Variants in ACSS2 observed in about 807,000 individuals in gnomAD.
ACSS2 encodes acyl-CoA synthetase short chain family member 2, also known as acetyl-coenzyme A synthetase, cytoplasmic.
A neutral mutation model predicts 90.6 loss-of-function variants in ACSS2; 58 were observed. The ratio of observed to expected loss-of-function variants is 0.64; its 90% confidence interval spans 0.52 to 0.80. ACSS2 has a LOEUF of 0.80. Among genes scored for constraint, ACSS2 ranks in the 30% least tolerant of loss-of-function variants. The pLI is 0.00. For synonymous variants in ACSS2, 300 were observed against 330.9 expected (o/e 0.91, Z 1.01); for missense variants, 759 against 912.0 (o/e 0.83, Z 2.16).
chr20:34,913,656 G>T, intron 4 of ACSS2, 97 bp from the exon 5 acceptor site: 1 of 1,326,692 alleles, frequency 7.5e-7, no homozygotes, highest in Non-Finnish European at 1.1e-6. Context: ...TAGGACCCTG[G>T]CTTAGAGATC....
chr20:34,901,201 G>A (rs1263988125), intron 2 of ACSS2, among the ~76,000 whole-genome samples: 3 of 152,120 alleles, frequency 2.0e-5, no homozygotes, highest in Admixed American at 6.6e-5. Flanking sequence ...TTTCTCAATG[G>A]TAAATAAGAG....
At chr20:34,877,271 C>T (rs1431397628) in intron 1 of ACSS2, among the ~76,000 whole-genome samples, 1 of 152,138 alleles carries the variant, frequency 6.6e-6, no homozygotes, top group Admixed American at 6.5e-5. Context: ...CAGCCACTGC[C>T]TCCTGAGACC....
intron 2 of ACSS2, among the ~76,000 whole-genome samples, chr20:34,892,988 CT>C (rs2080371295): frequency 6.6e-6 from 1 of 152,188 alleles, no homozygotes; most frequent in East Asian, 1.9e-4. Context: ...CCTGGATATA[CT>C]TTAGTTGGCC....
At chr20:34,923,955 A>G (rs1472295612) in intron 14 of ACSS2, among the ~76,000 whole-genome samples, 1 of 152,104 alleles carries the variant, frequency 6.6e-6, no homozygotes, top group East Asian at 1.9e-4. Flanking sequence ...TTAGAGAAGA[A>G]TGTGTCCTAC....
chr20:34,883,502 A>G (rs774010457), intron 2 of ACSS2, among the ~76,000 whole-genome samples: 4 of 152,236 alleles, frequency 2.6e-5, no homozygotes, highest in Non-Finnish European at 4.4e-5. Context: ...CTGAAGTGAA[A>G]CAACTAGCTA....
At chr20:34,899,614 C>T (rs1361641725) in intron 2 of ACSS2, among the ~76,000 whole-genome samples, 2 of 151,890 alleles carry the variant, frequency 1.3e-5, no homozygotes, top group Admixed American at 6.6e-5. Context: ...CTCAGCCTCC[C>T]GAGCAGCTGA....
chr20:34,914,068 G>A, intron 5 of ACSS2, 28 bp from the exon 6 acceptor site: 1 of 1,613,096 alleles, frequency 6.2e-7, no homozygotes, highest in Non-Finnish European at 8.5e-7. Context: ...GGCTTACTAA[G>A]GCCTGGAATG....
chr20:34,914,183 T>C lies in ACSS2; in HGVS notation c.719+12T>C. Reference sequence around the variant, plus strand: ...AAGTGTCAGGAGAAGTAAGTGTGTTTGGCTACTGTCTGAGTTGACTGAGCC... The same window carrying C: ...AAGTGTCAGGAGAAGTAAGTGTGTTCGGCTACTGTCTGAGTTGACTGAGCC... On this transcript the variant is annotated intron_variant, in intron 6 of 17. Transcript: ENST00000360596. 1 of 1,614,108 alleles carries C rather than the reference T, an allele frequency of 6.2e-7. No individual in the cohort carries two copies. Among genetic ancestry groups the C allele is most frequent in the Non-Finnish European group, 8.5e-7 (1 of 1,179,974 alleles).
At chr20:34,905,397 C>T (rs530184384) in intron 2 of ACSS2, among the ~76,000 whole-genome samples, 6 of 151,950 alleles carry the variant, frequency 3.9e-5, no homozygotes, top group Admixed American at 1.3e-4. Context: ...CTCAGCCTCC[C>T]GAGTAGCTGG....
chr20:34,926,752 G>A (rs1274532121), intron 16 of ACSS2, 125 bp from the exon 17 acceptor site: 6 of 855,418 alleles, frequency 7.0e-6, no homozygotes, highest in Admixed American at 2.1e-5. Flanking sequence ...CAGTGAACCT[G>A]AGGCTGTCTC....
At chr20:34,896,608 T>C (rs2080466992) in intron 2 of ACSS2, among the ~76,000 whole-genome samples, 1 of 152,250 alleles carries the variant, frequency 6.6e-6, no homozygotes, top group African/African-American at 2.4e-5. Context: ...CACTGTGTAT[T>C]GGCCTTTGTG....
At chr20:34,890,581 A>G (rs2080310464) in intron 2 of ACSS2, among the ~76,000 whole-genome samples, 1 of 152,006 alleles carries the variant, frequency 6.6e-6, no homozygotes, top group Non-Finnish European at 1.5e-5. Flanking sequence ...TATTCTGATC[A>G]TTTATACTAG....
At chr20:34,887,300 A>T (rs2080219869) in intron 2 of ACSS2, among the ~76,000 whole-genome samples, 1 of 152,256 alleles carries the variant, frequency 6.6e-6, no homozygotes, top group African/African-American at 2.4e-5. Flanking sequence ...CTAGTAGTCC[A>T]GCACTTGGCT....
intron 14 of ACSS2, among the ~76,000 whole-genome samples, chr20:34,924,198 C>A (rs186699791): frequency 6.6e-6 from 1 of 152,308 alleles, no homozygotes; most frequent in East Asian, 1.9e-4. Flanking sequence ...CCAATCCATT[C>A]ATCCATAAGA....
chr20:34,905,021 G>C (rs2080763107), intron 2 of ACSS2, among the ~76,000 whole-genome samples: 1 of 147,034 alleles, frequency 6.8e-6, no homozygotes, highest in African/African-American at 2.5e-5. Flanking sequence ...GGGCTTATGT[G>C]ATCCTCCTAT....
rs59343003 is a variant in ACSS2, at chr20:34,919,576, AGTGTGTGTGTGT to A, written c.972+37_972+48del. The A allele has an allele frequency of 6.9e-4, 1,021 of 1,473,974 alleles. No homozygotes were observed. The highest frequency in any genetic ancestry group is 4.3e-3 in the East Asian group (178 of 41,128). The allele number at this position is 1,473,974 out of a possible 1,614,324, so 91.3% of individuals were successfully genotyped here. ...TGGCTCCACAGGCAAACCCAAGGCA[AGTGTGTGTGTGT>A]GTGTGTGTGTGTGTGTGTGTGTGTG... is the stretch of plus-strand genomic sequence containing the variant. On this transcript the variant is annotated splice_donor_5th_base_variant and intron_variant, in intron 8 of 17. Transcript: ENST00000360596.
intron 17 of ACSS2, 38 bp downstream of exon 17, chr20:34,926,989 G>C: frequency 6.2e-7 from 1 of 1,614,140 alleles, no homozygotes; most frequent in Non-Finnish European, 8.5e-7. Flanking sequence ...GATGGGCTGA[G>C]GCCTGGTGGT....
chr20:34,884,102 C>T (rs1409128206), intron 2 of ACSS2, among the ~76,000 whole-genome samples: 1 of 152,084 alleles, frequency 6.6e-6, no homozygotes, highest in Non-Finnish European at 1.5e-5. Flanking sequence ...TGCACCACCA[C>T]GTTTGGCTAA....
chr20:34,918,215 C>A (rs1179490256), intron 7 of ACSS2, among the ~76,000 whole-genome samples: 1 of 152,162 alleles, frequency 6.6e-6, no homozygotes, highest in Non-Finnish European at 1.5e-5. Flanking sequence ...TTTACCACAT[C>A]CTGTGAGTCT....
Sources: allele counts gnomAD v4.1 joint callset (sites outside exome capture counted in the v4.1 genomes callset), GRCh38; gene constraint gnomAD v4.1.1; transcripts MANE v1.5; gene names NCBI Gene and HGNC (gene_info 2026-07-23, HGNC 2026-07-21).